MCIDAS: variants seen among roughly 807,000 people sequenced by gnomAD.
MCIDAS encodes the protein multicilin.
In MCIDAS, 23 loss-of-function variants were observed where a neutral mutation model predicts 35.4. The observed-to-expected ratio is 0.65, with a 90% CI of 0.47 to 0.92. The LOEUF is 0.92. Ranked by LOEUF, MCIDAS falls within the 40% of genes least tolerant of loss-of-function variation. MCIDAS has a pLI of 0.00. For missense variants in MCIDAS, 480 were observed against 531.8 expected, an observed-to-expected ratio of 0.90 and a Z score of 0.96; for synonymous variants, 228 against 235.2, an observed-to-expected ratio of 0.97 and a Z score of 0.28.
At chr5:55,226,194 T>C (rs1056861305) in intron 3 of MCIDAS, among the ~76,000 whole-genome samples, 4 of 151,530 alleles carry the variant, frequency 2.6e-5, no homozygotes, top group Middle Eastern at 6.8e-3. Context: ...AGGAAGGGGG[T>C]GTTGGGAGAA....
rs1449126657 is a variant in MCIDAS at position 55,226,653 on chromosome 5, C to T, written c.232G>A (p.Asp78Asn). The T allele has an allele frequency of 6.5e-7, 1 of 1,528,800 alleles. No individual in the cohort carries two copies. The highest frequency in any genetic ancestry group is 1.4e-5 in the African/African-American group (1 of 72,660). The allele number at this position is 1,528,800 out of a possible 1,614,324, so 94.7% of individuals were successfully genotyped here. A position where few individuals can be genotyped will look rare whatever the true frequency, so the allele number is the denominator to read the frequency against. ...PTALPALTTI[D>N]LQDLADCSSL... is the part of the protein sequence containing the mutation. Reference sequence around the variant, plus strand: ...GAGCAGTCAGCGAGGTCCTGCAGGTCTATGGTGGTGAGGGCTGCGCGGGGA... The same window carrying T: ...GAGCAGTCAGCGAGGTCCTGCAGGTTTATGGTGGTGAGGGCTGCGCGGGGA... The change falls in exon 3 of 7, where the codon GAC becomes AAC. Residue 78 changes from aspartate (D) to asparagine (N), a missense_variant. Physicochemically the swap from Asp to Asn is conservative, Grantham distance 23. Coordinates refer to ENST00000513312, the MANE Select transcript of MCIDAS (RefSeq NM_001190787.3).
At position 55,226,919 on chromosome 5, in the gene MCIDAS, G is replaced by A; in HGVS notation, c.133C>T (p.Arg45Trp). 2 of 1,430,756 alleles carry A rather than the reference G, an allele frequency of 1.4e-6. No homozygotes were observed. Among genetic ancestry groups the A allele is most frequent in the Admixed American group, 2.8e-5 (1 of 36,148 alleles). 88.6% of individuals were successfully genotyped at this position (1,430,756 alleles called of 1,614,324 possible). A position where few individuals can be genotyped will look rare whatever the true frequency, so the allele number is the denominator to read the frequency against. The change falls in exon 2 of 7, where the codon CGG becomes TGG. Residue 45 changes from arginine (R) to tryptophan (W), a missense_variant. Arg to Trp is a moderately radical substitution (Grantham distance 101). Transcript: ENST00000513312. ...GKPERKFAPP[R>W]KFFPGCTGGS... Reference sequence around the variant, plus strand: ...CCTGTGCATCCGGGGAAGAACTTCCGCGGAGGAGCGAACTGGCCGGGCACA... The same window carrying A: ...CCTGTGCATCCGGGGAAGAACTTCCACGGAGGAGCGAACTGGCCGGGCACA...
At chr5:55,220,837 G>A in intron 6 of MCIDAS, 31 bp from the exon 7 acceptor site, 1 of 1,509,298 alleles carries the variant, frequency 6.6e-7, no homozygotes, top group Non-Finnish European at 8.8e-7. Flanking sequence ...CGCCGCCCTG[G>A]GGCCTGCCGG....
Position 55,220,767 on chromosome 5 carries a change from C to T in MCIDAS, c.757G>A (p.Ala253Thr), listed in dbSNP as rs751266910. 6.5e-7 allele frequency: 1 copy of T among 1,533,826 alleles called. No individual in the cohort carries two copies. The highest frequency in any genetic ancestry group is 1.2e-5 in the South Asian group (1 of 84,024). ...ITQSRDCGAAAEPFLLKAKAK... is the reference protein window; with the variant it reads ...ITQSRDCGAATEPFLLKAKAK... ...TTCGCCTTGAGCAGGAAGGGCTCGG[C>T]CGCCGCCCCACAATCCCGGGACTGT... The change falls in exon 7 of 7, where the codon GCC becomes ACC. Residue 253 changes from alanine (A) to threonine (T), a missense_variant. Physicochemically the swap from Ala to Thr is moderately conservative, Grantham distance 58. Transcript: ENST00000513312.
chr5:55,222,147 A>G (rs1217566687), intron 5 of MCIDAS, 29 bp downstream of exon 5: 2 of 1,530,838 alleles, frequency 1.3e-6, no homozygotes, highest in East Asian at 4.9e-5. Flanking sequence ...CTGCCCCAGG[A>G]TTCCTGGTCG....
Position 55,227,214 on chromosome 5 carries a change from C to T in MCIDAS, c.-76G>A. 1 of 1,372,618 alleles carries T rather than the reference C, an allele frequency of 7.3e-7. No homozygotes were observed. Among genetic ancestry groups the T allele is most frequent in the Non-Finnish European group, 9.3e-7 (1 of 1,070,840 alleles). The allele number at this position is 1,372,618 out of a possible 1,614,324, so 85.0% of individuals were successfully genotyped here. A position where few individuals can be genotyped will look rare whatever the true frequency, so the allele number is the denominator to read the frequency against. Reference sequence around the variant, plus strand: ...GGGGCAGCGATCCACACCCTGCACTCCCTTCAGTGCCTGCAGGCTCCGAAG... The same window carrying T: ...GGGGCAGCGATCCACACCCTGCACTTCCTTCAGTGCCTGCAGGCTCCGAAG... On this transcript the variant is annotated 5_prime_UTR_variant, in exon 1 of 7. Coordinates refer to ENST00000513312, the MANE Select transcript of MCIDAS (RefSeq NM_001190787.3).
In MCIDAS at chr5:55,227,197, G is replaced by A. The variant is rs552845944; in HGVS notation, c.-59C>T. 68 of 1,400,292 alleles carry A rather than the reference G, an allele frequency of 4.9e-5. No individual in the cohort carries two copies. Among genetic ancestry groups the A allele is most frequent in the African/African-American group, 3.6e-4 (24 of 65,944 alleles). 86.7% of individuals were successfully genotyped at this position (1,400,292 alleles called of 1,614,324 possible). On this transcript the variant is annotated 5_prime_UTR_variant, in exon 1 of 7. Coordinates refer to ENST00000513312, the MANE Select transcript of MCIDAS (RefSeq NM_001190787.3). ...AGGCGGCGGCCCGGGCTGGGGCAGC[G>A]ATCCACACCCTGCACTCCCTTCAGT...
chr5:55,224,300 T>A (rs1022204308), intron 3 of MCIDAS, among the ~76,000 whole-genome samples: 5 of 152,046 alleles, frequency 3.3e-5, no homozygotes, highest in African/African-American at 1.2e-4. Context: ...CTGAATGCAC[T>A]GTTGATTCAT....
Position 55,222,159 on chromosome 5 carries a change from C to A in MCIDAS, c.606+17G>T. On this transcript the variant is annotated intron_variant, in intron 5 of 6. Transcript: ENST00000513312. ...TCCCTGCCCCAGGATTCCTGGTCGC[C>A]AGACCAGTGTCCCTACTTGATTATT... The A allele has an allele frequency of 2.0e-6, 3 of 1,533,454 alleles. No homozygotes were observed. The highest frequency in any genetic ancestry group is 2.6e-6 in the Non-Finnish European group (3 of 1,146,174). 95.0% of individuals were successfully genotyped at this position (1,533,454 alleles called of 1,614,324 possible). A position where few individuals can be genotyped will look rare whatever the true frequency, so the allele number is the denominator to read the frequency against.
intron 3 of MCIDAS, 132 bp downstream of exon 3, chr5:55,226,444 A>G (rs2111701573): frequency 1.2e-6 from 1 of 847,766 alleles, no homozygotes; most frequent in Non-Finnish European, 1.8e-6. Flanking sequence ...GTGCCTGCAC[A>G]ATGCTTCCCC....
rs1745466454 is a variant in MCIDAS, at chr5:55,226,885, G to A, written c.167C>T (p.Pro56Leu). 7 of 1,410,100 alleles carry A rather than the reference G, an allele frequency of 5.0e-6. No individual in the cohort carries two copies. Among genetic ancestry groups the A allele is most frequent in the Non-Finnish European group, 3.7e-6 (4 of 1,088,086 alleles). The allele number at this position is 1,410,100 out of a possible 1,614,324, so 87.3% of individuals were successfully genotyped here. A position where few individuals can be genotyped will look rare whatever the true frequency, so the allele number is the denominator to read the frequency against. ...KFFPGCTGGS[P>L]VSVYEDPPDA... ...CGGGGGATCCTCGTACACCGACACC[G>A]GGCTCCCGCCTGTGCATCCGGGGAA... Residue 56 changes from proline (P) to leucine (L), a missense_variant, in exon 2 of 7, where the codon CCG becomes CTG. Coordinates refer to ENST00000513312, the MANE Select transcript of MCIDAS (RefSeq NM_001190787.3).
intron 3 of MCIDAS, among the ~76,000 whole-genome samples, 152 bp downstream of exon 3, chr5:55,226,424 G>T (rs529957560): frequency 6.6e-6 from 1 of 152,194 alleles, no homozygotes; most frequent in Non-Finnish European, 1.5e-5. Context: ...TTCTGATCTG[G>T]GAGGCTCAGG....
In MCIDAS at chr5:55,222,275, C is replaced by G; in HGVS notation, c.507G>C (p.Pro169=). ...GCGGGGGCACGTCTGGAGGGCGCAG[C>G]GGTGGTGACTGCAGGGCCCGTGGGT... The part of the protein sequence containing the change: ...PLDPRALQSP[P]LRPPDVPPPE... Residue 169 remains proline (P), a synonymous_variant, in exon 5 of 7, where the codon CCG becomes CCC. Transcript: ENST00000513312. 6.5e-7 allele frequency: 1 copy of G among 1,535,998 alleles called. No individual in the cohort carries two copies. Among genetic ancestry groups the G allele is most frequent in the Non-Finnish European group, 8.7e-7 (1 of 1,146,864 alleles).
chr5:55,226,940 GCA>G lies in MCIDAS; in HGVS notation c.121-11_121-10del, dbSNP rs1745467953. The G allele has an allele frequency of 6.8e-7, 1 of 1,462,998 alleles. No homozygotes were observed. Among genetic ancestry groups the G allele is most frequent in the African/African-American group, 1.5e-5 (1 of 67,990 alleles). 90.6% of individuals were successfully genotyped at this position (1,462,998 alleles called of 1,614,324 possible). On this transcript the variant is annotated splice_polypyrimidine_tract_variant and intron_variant, in intron 1 of 6. Coordinates refer to ENST00000513312, the MANE Select transcript of MCIDAS (RefSeq NM_001190787.3). ...TTCCGCGGAGGAGCGAACTGGCCGG[GCA>G]CACAAACGTTGAACGCGGGTCAGCC... is the stretch of plus-strand genomic sequence containing the variant.
At position 55,220,286 on chromosome 5, in the gene MCIDAS, A is replaced by G; in HGVS notation, c.*80T>C. 7.3e-7 allele frequency: 1 copy of G among 1,370,294 alleles called. No homozygotes were observed. Among genetic ancestry groups the G allele is most frequent in the Non-Finnish European group, 9.7e-7 (1 of 1,033,344 alleles). The allele number at this position is 1,370,294 out of a possible 1,614,324, so 84.9% of individuals were successfully genotyped here. ...AAAAAGTGTTTCAGGGTGGCATTCA[A>G]CCTGAAGGCAAAGTTCTGGGAAGCC... is the stretch of plus-strand genomic sequence containing the variant. On this transcript the variant is annotated 3_prime_UTR_variant, in exon 7 of 7. Transcript: ENST00000513312.
chr5:55,221,681 T>A (rs777344625), intron 5 of MCIDAS, among the ~76,000 whole-genome samples: 1 of 152,006 alleles, frequency 6.6e-6, no homozygotes, highest in South Asian at 2.1e-4. Context: ...ATCTCAGCAC[T>A]TTGGGGGTTG....
intron 2 of MCIDAS, 29 bp from the exon 3 acceptor site, chr5:55,226,696 C>T (rs1745461414): frequency 6.8e-7 from 1 of 1,462,424 alleles, no homozygotes; most frequent in Non-Finnish European, 9.0e-7. Context: ...AGACACGCGC[C>T]GGGCGGGCCC....
chr5:55,227,270 G>T lies in MCIDAS; in HGVS notation c.-132C>A. 1.6e-6 allele frequency: 2 copies of T among 1,235,828 alleles called. No homozygotes were observed. The highest frequency in any genetic ancestry group is 2.1e-6 in the Non-Finnish European group (2 of 956,958). The allele number at this position is 1,235,828 out of a possible 1,614,324, so 76.6% of individuals were successfully genotyped here. ...CAGAGGTTGGGGCAGGCGCGTGACC[G>T]AGAAGGAGCCGAGGGGCTGCCGAGG... On this transcript the variant is annotated 5_prime_UTR_variant, in exon 1 of 7. Coordinates refer to ENST00000513312, the MANE Select transcript of MCIDAS (RefSeq NM_001190787.3).
chr5:55,221,187 T>C, intron 5 of MCIDAS, 61 bp from the exon 6 acceptor site: 1 of 1,249,734 alleles, frequency 8.0e-7, no homozygotes. Context: ...TCTGCATATC[T>C]GGCATGAATC....
Sources: allele counts gnomAD v4.1 joint callset (sites outside exome capture counted in the v4.1 genomes callset), GRCh38; gene constraint gnomAD v4.1.1; transcripts MANE v1.5; gene names NCBI Gene and HGNC (gene_info 2026-07-23, HGNC 2026-07-21).